The following CRADD variants were observed in gnomAD, a reference collection of about 807,000 sequenced individuals.
The protein encoded by CRADD is CARD and death domain containing adaptor protein.
CRADD carries 9 observed loss-of-function variants against 15.5 expected under a neutral mutation model. The ratio of observed to expected loss-of-function variants is 0.58; its 90% CI spans 0.35 to 1.01. The LOEUF is 1.01. Among genes scored for constraint, CRADD ranks in the 50% least tolerant of loss-of-function variants. The pLI is 0.02. For missense variants in CRADD, 227 were observed against 250.3 expected (o/e 0.91, Z 0.63); for synonymous variants, 118 against 107.6 (o/e 1.10, Z -0.60).
intron 2 of CRADD, among the ~76,000 whole-genome samples, chr12:93,839,548 G>A (rs540750928): frequency 2.0e-5 from 3 of 152,176 alleles, no homozygotes; most frequent in Non-Finnish European, 4.4e-5. Context: ...ACGACTGTCC[G>A]ATCTTTATTT....
At chr12:93,886,757 G>A (rs560358922) in intron 2 of CRADD, among the ~76,000 whole-genome samples, 2 of 152,324 alleles carry the variant, frequency 1.3e-5, no homozygotes, top group Non-Finnish European at 2.9e-5. Context: ...CAGCATGGGT[G>A]AGTGTGGCCA....
chr12:93,734,414 G>C (rs1250257277), intron 2 of CRADD, among the ~76,000 whole-genome samples: 1 of 152,166 alleles, frequency 6.6e-6, no homozygotes, highest in Non-Finnish European at 1.5e-5. Context: ...ATAATGCTAT[G>C]AATAAAACCC....
chr12:93,690,169 A>G lies in CRADD; in HGVS notation c.298+11097A>G, dbSNP rs1311184368. On this transcript the variant is annotated intron_variant, in intron 2 of 2. Coordinates refer to ENST00000332896, the MANE Select transcript of CRADD (RefSeq NM_003805.5). Reference sequence around the variant, plus strand: ...AGTTTCTACACTGTACCTTCCTTCCAGATTCAGACTATTGGCCAAACTTGG... The same window carrying G: ...AGTTTCTACACTGTACCTTCCTTCCGGATTCAGACTATTGGCCAAACTTGG... 2.6e-5 allele frequency among the ~76,000 whole-genome samples: 4 copies of G among 152,256 alleles called. No individual in the cohort carries two copies. In the East Asian group the frequency reaches 7.7e-4, roughly 29 times the overall value.
chr12:93,795,005 T>G (rs73222727), intron 2 of CRADD, among the ~76,000 whole-genome samples: 5,247 of 152,310 alleles, frequency 0.034, 124 homozygotes, highest in Admixed American at 0.054. Context: ...GACCACCCTA[T>G]GTAAAGTATT....
At chr12:93,863,938 A>T (rs1958341025) in intron 2 of CRADD, among the ~76,000 whole-genome samples, 1 of 152,132 alleles carries the variant, frequency 6.6e-6, no homozygotes, top group East Asian at 1.9e-4. Context: ...TTATTTATAT[A>T]TTTTACAGTA....
At chr12:93,874,478 G>A (rs558734958) in intron 2 of CRADD, among the ~76,000 whole-genome samples, 5 of 151,126 alleles carry the variant, frequency 3.3e-5, no homozygotes, top group Non-Finnish European at 7.4e-5. Context: ...ACCAATTTTG[G>A]GTTTGGTTTG....
At chr12:93,731,345 G>A (rs1956461043) in intron 2 of CRADD, among the ~76,000 whole-genome samples, 1 of 152,198 alleles carries the variant, frequency 6.6e-6, no homozygotes, top group Admixed American at 6.5e-5. Context: ...ATTTGGGGAT[G>A]TTCATCCAGA....
chr12:93,717,670 A>G (rs1956185801), intron 2 of CRADD, among the ~76,000 whole-genome samples: 1 of 152,080 alleles, frequency 6.6e-6, no homozygotes, highest in African/African-American at 2.4e-5. Context: ...ACAGGCATGC[A>G]CCACCACATC....
chr12:93,744,988 A>G (rs1308262812), intron 2 of CRADD, among the ~76,000 whole-genome samples: 2 of 152,202 alleles, frequency 1.3e-5, no homozygotes, highest in Non-Finnish European at 2.9e-5. Context: ...AGTTTTTGGT[A>G]TATTCAAATA....
At chr12:93,706,092 G>T (rs1480691681) in intron 2 of CRADD, among the ~76,000 whole-genome samples, 1 of 152,184 alleles carries the variant, frequency 6.6e-6, no homozygotes, top group African/African-American at 2.4e-5. Flanking sequence ...AATGAGACAA[G>T]TGTTGACATT....
intron 2 of CRADD, among the ~76,000 whole-genome samples, chr12:93,736,089 C>A (rs981881219): frequency 6.6e-6 from 1 of 152,110 alleles, no homozygotes; most frequent in Non-Finnish European, 1.5e-5. Context: ...CCAGGCACAT[C>A]TAACAGCTCC....
Position 93,827,371 on chromosome 12 carries a change from T to A in CRADD, c.299-22599T>A, listed in dbSNP as rs193152719. Among the ~76,000 whole-genome samples the A allele has an allele frequency of 9.1e-4, 138 of 152,358 alleles. 3 individuals carry two copies. Among genetic ancestry groups the A allele is most frequent in the Non-Finnish European group, 6.2e-4 (42 of 68,024 alleles). ...CTCCGCATAATTATTTTTAGATTTG[T>A]CCATGTTGAAGTGCATATTAATACT... is the stretch of plus-strand genomic sequence containing the variant. On this transcript the variant is annotated intron_variant, in intron 2 of 2. Coordinates refer to ENST00000332896, the MANE Select transcript of CRADD (RefSeq NM_003805.5).
At chr12:93,874,018 A>C (rs1205448580) in intron 2 of CRADD, among the ~76,000 whole-genome samples, 2 of 152,022 alleles carry the variant, frequency 1.3e-5, no homozygotes, top group Non-Finnish European at 2.9e-5. Flanking sequence ...GAGTAGGATT[A>C]GTATTAGTTC....
At chr12:93,680,302 A>G (rs1273515861) in intron 2 of CRADD, among the ~76,000 whole-genome samples, 5 of 152,196 alleles carry the variant, frequency 3.3e-5, no homozygotes, top group African/African-American at 1.2e-4. Context: ...ATTCCGGTTC[A>G]GTGGGCCCCA....
downstream of CRADD, among the ~76,000 whole-genome samples, chr12:93,851,455 C>A (rs558102384): frequency 6.6e-6 from 1 of 152,298 alleles, no homozygotes; most frequent in Non-Finnish European, 1.5e-5. Context: ...TCCTCATTGG[C>A]AGAATGGGGA....
In CRADD at chr12:93,880,033, A is replaced by G. The variant is rs542558949; in HGVS notation, c.299-14017A>G. Among the ~76,000 whole-genome samples, 4 of 152,350 alleles carry G rather than the reference A, an allele frequency of 2.6e-5. No homozygotes were observed. In the South Asian group the frequency reaches 6.2e-4, roughly 24 times the overall value. On this transcript the variant is annotated intron_variant, in intron 2 of 2. Transcript: ENST00000548483. ...AATACAACAGATGGTGACTTGTCCC[A>G]GTGAAGTTTACAGGCTGGAGAATTA...
intron 2 of CRADD, among the ~76,000 whole-genome samples, chr12:93,697,341 GAC>G (rs1432580825): frequency 2.0e-5 from 3 of 152,202 alleles, no homozygotes; most frequent in Non-Finnish European, 4.4e-5. Flanking sequence ...GCTGCGGGAG[GAC>G]ACAGTGTTAA....
intron 2 of CRADD, among the ~76,000 whole-genome samples, chr12:93,782,951 T>G (rs939609466): frequency 5.9e-5 from 9 of 152,040 alleles, no homozygotes; most frequent in African/African-American, 2.2e-4. Context: ...GTGATAGGTT[T>G]TTGGGGGTTC....
chr12:93,800,336 C>G (rs1461820714), intron 2 of CRADD, among the ~76,000 whole-genome samples: 1 of 152,116 alleles, frequency 6.6e-6, no homozygotes, highest in Non-Finnish European at 1.5e-5. Context: ...AAAATTCACC[C>G]TTCCTTGCTT....
Sources: allele counts gnomAD v4.1 joint callset (sites outside exome capture counted in the v4.1 genomes callset), GRCh38; gene constraint gnomAD v4.1.1; transcripts MANE v1.5; gene names NCBI Gene and HGNC (gene_info 2026-07-23, HGNC 2026-07-21).